RGS22: variants seen among roughly 807,000 people sequenced by gnomAD.
RGS22 encodes regulator of G protein signaling 22, also known as regulator of G-protein signaling 22.
In RGS22, 148 loss-of-function variants were observed where a neutral mutation model predicts 172.9. That is an observed-to-expected ratio of 0.86 (90% CI 0.75 to 0.98). RGS22 has a LOEUF of 0.98. Among genes scored for constraint, RGS22 ranks in the 50% least tolerant of loss-of-function variants. RGS22 has a pLI of 0.00. For synonymous variants in RGS22, 458 were observed against 480.2 expected (o/e 0.95, Z 0.60); for missense variants, 1,347 against 1,440.8 (o/e 0.93, Z 1.05).
At chr8:100,089,416 T>C (rs1812402568) in intron 3 of RGS22, among the ~76,000 whole-genome samples, 1 of 152,124 alleles carries the variant, frequency 6.6e-6, no homozygotes, top group Non-Finnish European at 1.5e-5. Flanking sequence ...TTTCACAGAA[T>C]ACGTTAACCC....
intron 22 of RGS22, among the ~76,000 whole-genome samples, chr8:99,978,406 T>C (rs1298255449): frequency 6.6e-6 from 1 of 152,212 alleles, no homozygotes; most frequent in Non-Finnish European, 1.5e-5. Context: ...TTTTAAAACA[T>C]ATACTAGTTG....
chr8:99,978,902 G>A (rs187974493), intron 22 of RGS22, among the ~76,000 whole-genome samples: 4 of 152,204 alleles, frequency 2.6e-5, no homozygotes, highest in Admixed American at 2.6e-4. Flanking sequence ...GGGGAAAAGA[G>A]GAATCTTTAA....
At chr8:100,091,825 C>G (rs766996511) in intron 3 of RGS22, 1 of 152,142 alleles carries the variant, frequency 6.6e-6, no homozygotes, top group Non-Finnish European at 1.5e-5. Context: ...TTTTGTCATG[C>G]TACTGGGTCT....
At chr8:100,044,626 CTT>C (rs542203635) in intron 11 of RGS22, among the ~76,000 whole-genome samples, 7 of 128,820 alleles carry the variant, frequency 5.4e-5, no homozygotes, top group Admixed American at 1.6e-4. Context: ...ATTACCCTTT[CTT>C]TTTTTTTTTT....
intron 22 of RGS22, among the ~76,000 whole-genome samples, chr8:99,979,832 GT>G (rs1376226012): frequency 6.6e-6 from 1 of 152,158 alleles, no homozygotes; most frequent in Non-Finnish European, 1.5e-5. Flanking sequence ...CCTCAAAGAG[GT>G]TACAGTCTAA....
intron 3 of RGS22, among the ~76,000 whole-genome samples, chr8:100,083,211 G>T (rs1288994576): frequency 6.6e-6 from 1 of 152,132 alleles, no homozygotes; most frequent in East Asian, 1.9e-4. Flanking sequence ...TACAGAAGCA[G>T]AACCATCACC....
chr8:100,052,122 T>A (rs1343883801), intron 10 of RGS22, among the ~76,000 whole-genome samples: 1 of 49,902 alleles, frequency 2.0e-5, no homozygotes, highest in East Asian at 6.7e-4. Flanking sequence ...TATATATATT[T>A]ATATATAAAT....
At chr8:100,017,226 G>A (rs1332369827) in intron 14 of RGS22, among the ~76,000 whole-genome samples, 2 of 151,600 alleles carry the variant, frequency 1.3e-5, no homozygotes, top group Non-Finnish European at 2.9e-5. Context: ...CTTCCCTCTT[G>A]GCTTCTTGGC....
At chr8:100,062,519 A>G in intron 9 of RGS22, 72 bp downstream of exon 9, 1 of 1,004,696 alleles carries the variant, frequency 1.0e-6, no homozygotes. Context: ...ATATATCCGT[A>G]AGACAAAAAA....
At chr8:100,087,937 A>G (rs1024521948) in intron 3 of RGS22, among the ~76,000 whole-genome samples, 1 of 152,274 alleles carries the variant, frequency 6.6e-6, no homozygotes, top group South Asian at 2.1e-4. Flanking sequence ...TTTTTGAGCT[A>G]CAAGTCTTAT....
At chr8:100,002,616 T>A (rs1483771346) in intron 17 of RGS22, among the ~76,000 whole-genome samples, 4 of 152,112 alleles carry the variant, frequency 2.6e-5, no homozygotes, top group Admixed American at 1.3e-4. Context: ...GAAAAAAAAA[T>A]CCGTCACCAT....
chr8:99,978,179 T>C (rs1357830786), intron 22 of RGS22, 104 bp from the exon 23 acceptor site: 2 of 602,588 alleles, frequency 3.3e-6, no homozygotes, highest in Non-Finnish European at 5.2e-6. Flanking sequence ...ATATATACCA[T>C]GTTTGCTCCA....
At chr8:100,071,623 G>A in intron 5 of RGS22, 86 bp from the exon 6 acceptor site, 1 of 1,002,772 alleles carries the variant, frequency 1.0e-6, no homozygotes, top group Admixed American at 2.6e-5. Flanking sequence ...ATGTATTCAA[G>A]CCAATCTCCT....
intron 15 of RGS22, among the ~76,000 whole-genome samples, 188 bp downstream of exon 15, chr8:100,008,184 CCCA>C (rs1815939623): frequency 6.6e-6 from 1 of 151,674 alleles, no homozygotes; most frequent in Non-Finnish European, 1.5e-5. Context: ...ATTACAGGCG[CCCA>C]CCACCACGCC....
chr8:100,094,969 TC>T (rs1161628829), intron 2 of RGS22, among the ~76,000 whole-genome samples: 1 of 152,224 alleles, frequency 6.6e-6, no homozygotes, highest in Non-Finnish European at 1.5e-5. Context: ...TGCAGTACAA[TC>T]CCTTGTTAGT....
rs1410935485 is a variant in RGS22, at chr8:100,051,913, T to G, written c.1689+889A>C. Among the ~76,000 whole-genome samples the G allele has an allele frequency of 5.2e-5, 3 of 57,614 alleles. 1 individual carries two copies. Among genetic ancestry groups the G allele is most frequent in the Non-Finnish European group, 8.6e-5 (3 of 34,760 alleles). 37.8% of individuals were successfully genotyped at this position (57,614 alleles called of 152,430 possible). Reference sequence around the variant, plus strand: ...TATAAATGTTTATATATTTATATATTTATATATAAATGTTTATATATATTT... The same window carrying G: ...TATAAATGTTTATATATTTATATATGTATATATAAATGTTTATATATATTT... On this transcript the variant is annotated intron_variant, in intron 10 of 27. Coordinates refer to ENST00000360863, the MANE Select transcript of RGS22 (RefSeq NM_015668.5).
chr8:100,024,693 A>C (rs1001362345), intron 14 of RGS22, among the ~76,000 whole-genome samples: 3 of 152,218 alleles, frequency 2.0e-5, no homozygotes, highest in African/African-American at 7.2e-5. Flanking sequence ...ATAAGAAAGC[A>C]ATGGCTTAGA....
chr8:100,014,716 C>A (rs1255129261), intron 14 of RGS22, among the ~76,000 whole-genome samples: 1 of 152,174 alleles, frequency 6.6e-6, no homozygotes, highest in Non-Finnish European at 1.5e-5. Context: ...GTTCTATGCT[C>A]AACTACACCT....
chr8:100,001,202 T>TATATATATATATATATATATACA (rs1554611096), intron 18 of RGS22, among the ~76,000 whole-genome samples: 2 of 124,780 alleles, frequency 1.6e-5, no homozygotes, highest in African/African-American at 6.2e-5. Context: ...TCCCAATTTT[T>TATATATATATATATATATATACA]TATATATATA....
Sources: gnomAD v4.1 joint callset for allele counts (sites outside exome capture counted in the v4.1 genomes callset) on GRCh38, gnomAD v4.1.1 for gene constraint, MANE v1.5 for transcripts, NCBI Gene and HGNC (gene_info 2026-07-23, HGNC 2026-07-21) for gene names.